Variants in PUM2 observed in about 807,000 individuals in gnomAD.
PUM2 encodes pumilio RNA binding family member 2.
In PUM2, 57 loss-of-function variants were observed where a neutral mutation model predicts 124.5. The ratio of observed to expected loss-of-function variants is 0.46; its 90% CI spans 0.37 to 0.57. PUM2 has a LOEUF of 0.57. Ranked by LOEUF, PUM2 falls within the 20% of genes least tolerant of loss-of-function variation. The pLI is 0.00. For missense variants in PUM2, 1,065 were observed against 1,290.6 expected, an observed-to-expected ratio of 0.83 and a Z score of 2.68; for synonymous variants, 460 against 446.1, an observed-to-expected ratio of 1.03 and a Z score of -0.39.
chr2:20,350,406 C>G, intron 1 of PUM2, 191 bp downstream of exon 1: 1 of 882,150 alleles, frequency 1.1e-6, no homozygotes, highest in Non-Finnish European at 1.4e-6. Flanking sequence ...CGCACGCGCA[C>G]ACCCCCTTCC....
At chr2:20,349,779 A>C (rs931605481) in intron 1 of PUM2, among the ~76,000 whole-genome samples, 2 of 152,244 alleles carry the variant, frequency 1.3e-5, no homozygotes, top group African/African-American at 4.8e-5. Context: ...TAAAAATCTC[A>C]AAGTACTAAG....
At chr2:20,340,734 C>A (rs1225381463) in intron 1 of PUM2, among the ~76,000 whole-genome samples, 1 of 152,122 alleles carries the variant, frequency 6.6e-6, no homozygotes, top group Non-Finnish European at 1.5e-5. Flanking sequence ...AGGAATATAT[C>A]CACAAACACC....
intron 8 of PUM2, among the ~76,000 whole-genome samples, chr2:20,297,293 G>C (rs1675846551): frequency 6.6e-6 from 1 of 152,142 alleles, no homozygotes; most frequent in Non-Finnish European, 1.5e-5. Flanking sequence ...ATTCATGGTT[G>C]ACTATATAGA....
intron 12 of PUM2, among the ~76,000 whole-genome samples, chr2:20,279,946 G>C (rs1022318051): frequency 3.3e-5 from 5 of 152,072 alleles, no homozygotes; most frequent in Non-Finnish European, 7.4e-5. Context: ...CCACATTTCT[G>C]AACCTGCCAA....
chr2:20,293,161 G>T (rs17623960), intron 9 of PUM2, among the ~76,000 whole-genome samples: 2 of 152,104 alleles, frequency 1.3e-5, no homozygotes, highest in African/African-American at 2.4e-5. Flanking sequence ...TTACTATTCC[G>T]CAATACATAG....
At chr2:20,328,365 C>G (rs550860140) in intron 1 of PUM2, among the ~76,000 whole-genome samples, 1 of 152,214 alleles carries the variant, frequency 6.6e-6, no homozygotes, top group African/African-American at 2.4e-5. Context: ...AACACACAAC[C>G]TCCACATTCG....
At chr2:20,298,346 C>A (rs1356726331) in intron 7 of PUM2, among the ~76,000 whole-genome samples, 2 of 152,080 alleles carry the variant, frequency 1.3e-5, no homozygotes, top group Admixed American at 1.3e-4. Flanking sequence ...TGGATTTTAC[C>A]CTCCAGTCAA....
chr2:20,258,321 A>G lies in PUM2; in HGVS notation c.2406T>C (p.His802=), dbSNP rs1215919364. 4.3e-6 allele frequency: 7 copies of G among 1,612,424 alleles called. No homozygotes were observed. Among genetic ancestry groups the G allele is most frequent in the East Asian group, 4.5e-5 (2 of 44,820 alleles). The change falls in exon 16 of 21, where the codon CAT becomes CAC. Residue 802 remains histidine, a synonymous_variant. Transcript: ENST00000361078. The part of the protein sequence containing the change: ...KLALATRIRG[H]VLPLALQMYG... ...ACATCTGCAAGGCTAAGGGTAGAACATGACCACGAATACGAGTAGCCAGGG... is the reference window on the plus strand; with the variant it reads ...ACATCTGCAAGGCTAAGGGTAGAACGTGACCACGAATACGAGTAGCCAGGG...
At chr2:20,326,432 T>G (rs1683694638) in intron 2 of PUM2, 2 of 1,302,964 alleles carry the variant, frequency 1.5e-6, no homozygotes, top group African/African-American at 1.5e-5. Context: ...AAGGTCTCTA[T>G]TCTACCAAGG....
chr2:20,351,988 C>G (rs1002064415), upstream of PUM2, among the ~76,000 whole-genome samples: 8 of 152,266 alleles, frequency 5.3e-5, no homozygotes, highest in Middle Eastern at 3.4e-3. Flanking sequence ...GATATTTTCA[C>G]TTGAATTTTC....
In PUM2 at chr2:20,343,459, TAAATA is replaced by T. The variant is rs200199221; in HGVS notation, c.-19+7133_-19+7137del. On this transcript the variant is annotated intron_variant, in intron 1 of 20. Transcript: ENST00000361078. ...AAATAAAAATAACTAAGTAATTTATTAAATAAAATAGCAAATAAACTAGTAAGTTT... is the reference window on the plus strand; with the variant it reads ...AAATAAAAATAACTAAGTAATTTATTAAATAGCAAATAAACTAGTAAGTTT... Among the ~76,000 whole-genome samples the T allele has an allele frequency of 4.7e-3, 719 of 152,180 alleles. 2 individuals are homozygous for T. Among genetic ancestry groups the T allele is most frequent in the Middle Eastern group, 0.02 (6 of 294 alleles).
chr2:20,346,099 G>GA (rs1176857513), intron 1 of PUM2, among the ~76,000 whole-genome samples: 3 of 151,902 alleles, frequency 2.0e-5, no homozygotes, highest in African/African-American at 4.8e-5. Flanking sequence ...CTCTCCTTTG[G>GA]AAAAAAAGTA....
chr2:20,325,079 G>A (rs1412853839), intron 2 of PUM2, among the ~76,000 whole-genome samples: 1 of 152,060 alleles, frequency 6.6e-6, no homozygotes, highest in Non-Finnish European at 1.5e-5. Context: ...AGACTGGTGA[G>A]AGAGAGAGGC....
chr2:20,311,557 T>A lies in PUM2; in HGVS notation c.455A>T (p.Asp152Val). 2 of 1,613,410 alleles carry A rather than the reference T, an allele frequency of 1.2e-6. No homozygotes were observed. The highest frequency in any genetic ancestry group is 1.7e-6 in the Non-Finnish European group (2 of 1,179,618). ...QNRDLKQGDD[D>V]DSKINGRGLP... ...ACCTCTGCCATTTATTTTAGAATCA[T>A]CATCATCTCCTTGTTTAAGATCTCT... Residue 152 changes from aspartate to valine, a missense_variant, in exon 5 of 21, where the codon GAT (aspartate) becomes GTT (valine). Physicochemically the swap from Asp to Val is radical, Grantham distance 152. Coordinates refer to ENST00000361078, the MANE Select transcript of PUM2 (RefSeq NM_015317.5).
At chr2:20,329,174 CAAAA>C (rs769818181) in intron 1 of PUM2, among the ~76,000 whole-genome samples, 5 of 63,100 alleles carry the variant, frequency 7.9e-5, no homozygotes, top group Admixed American at 1.9e-4. Context: ...ACCCTGTCTC[CAAAA>C]AAAAAAAAAA....
At chr2:20,283,254 T>G (rs774063360) in intron 11 of PUM2, 23 bp from the exon 12 acceptor site, 29 of 1,607,990 alleles carry the variant, frequency 1.8e-5, no homozygotes, top group Non-Finnish European at 1.4e-5. Context: ...TTTCAGATAC[T>G]TCTTTAAACC....
intron 14 of PUM2, among the ~76,000 whole-genome samples, chr2:20,261,644 T>C (rs1402495128): frequency 6.6e-6 from 1 of 152,014 alleles, no homozygotes; most frequent in Non-Finnish European, 1.5e-5. Flanking sequence ...AAAGATCTCC[T>C]AGTGGAAGAA....
intron 13 of PUM2, among the ~76,000 whole-genome samples, chr2:20,269,568 A>C (rs1397349215): frequency 6.6e-6 from 1 of 152,186 alleles, no homozygotes; most frequent in Non-Finnish European, 1.5e-5. Flanking sequence ...ATGAGTTTAA[A>C]AAAACAAAGT....
intron 3 of PUM2, among the ~76,000 whole-genome samples, 196 bp downstream of exon 3, chr2:20,318,341 C>A (rs993413779): frequency 3.3e-5 from 5 of 152,168 alleles, no homozygotes; most frequent in African/African-American, 1.2e-4. Context: ...GTGGCTCACG[C>A]CTACCATCCC....
Sources: allele counts gnomAD v4.1 joint callset (sites outside exome capture counted in the v4.1 genomes callset), GRCh38; gene constraint gnomAD v4.1.1; transcripts MANE v1.5; gene names NCBI Gene and HGNC (gene_info 2026-07-23, HGNC 2026-07-21).